KANSL1: variants seen among roughly 807,000 people sequenced by gnomAD.
KANSL1 encodes the protein KAT8 regulatory NSL complex subunit 1.
A neutral mutation model predicts 103.6 loss-of-function variants in KANSL1; 22 were observed. That is an observed-to-expected ratio of 0.21 (90% CI 0.15 to 0.30). KANSL1 has a LOEUF of 0.30. Ranked by LOEUF, KANSL1 falls within the 10% of genes least tolerant of loss-of-function variation. The probability of loss-of-function intolerance (pLI) is 1.00; values close to 1 mark genes in which losing one functional copy is unlikely to be tolerated. For missense variants in KANSL1, 1,337 were observed against 1,399.8 expected (o/e 0.96, Z 0.72); for synonymous variants, 600 against 527.6 (o/e 1.14, Z -1.88).
intron 2 of KANSL1, among the ~76,000 whole-genome samples, chr17:46,117,793 A>C (rs1261660006): frequency 6.6e-6 from 1 of 152,218 alleles, no homozygotes; most frequent in Non-Finnish European, 1.5e-5. Context: ...ATGCAAAAAA[A>C]CCCTTTCAAA....
chr17:46,213,962 C>A (rs2148035179), intron 1 of KANSL1, among the ~76,000 whole-genome samples: 1 of 152,044 alleles, frequency 6.6e-6, no homozygotes, highest in Non-Finnish European at 1.5e-5. Flanking sequence ...ACAAACAATT[C>A]TAAAAATCAA....
At chr17:46,122,437 A>G (rs1458031498) in intron 2 of KANSL1, among the ~76,000 whole-genome samples, 4 of 152,376 alleles carry the variant, frequency 2.6e-5, no homozygotes, top group African/African-American at 9.6e-5. Context: ...ACAAGTATTC[A>G]TACTGGAAAT....
intron 1 of KANSL1, among the ~76,000 whole-genome samples, chr17:46,220,198 A>C (rs1219590596): frequency 1.3e-5 from 2 of 152,200 alleles, no homozygotes; most frequent in African/African-American, 4.8e-5. Flanking sequence ...AAAAGGAAGG[A>C]TTGAGATGCT....
intron 2 of KANSL1, among the ~76,000 whole-genome samples, chr17:46,143,803 C>CAAA (rs57361021): frequency 2.0e-3 from 172 of 85,420 alleles, no homozygotes; most frequent in African/African-American, 4.6e-3. Flanking sequence ...GACTCCATCT[C>CAAA]AAAAAAAAAA....
At chr17:46,099,745 T>C (rs547837171) in intron 2 of KANSL1, among the ~76,000 whole-genome samples, 4 of 152,372 alleles carry the variant, frequency 2.6e-5, no homozygotes, top group African/African-American at 7.2e-5. Flanking sequence ...TGCTTTATCC[T>C]AGTCCATACA....
chr17:46,173,709 A>G (rs1332657401), intron 1 of KANSL1, among the ~76,000 whole-genome samples: 3 of 152,386 alleles, frequency 2.0e-5, no homozygotes. Flanking sequence ...AGGAAGAGGC[A>G]CCAAACTATA....
intron 3 of KANSL1, among the ~76,000 whole-genome samples, chr17:46,088,017 C>T (rs1463314281): frequency 3.3e-5 from 5 of 152,136 alleles, no homozygotes; most frequent in African/African-American, 9.7e-5. Flanking sequence ...AAATAGCAAC[C>T]GGTAGAAGCC....
intron 2 of KANSL1, among the ~76,000 whole-genome samples, chr17:46,152,720 C>G (rs564976747): frequency 1.3e-5 from 2 of 152,194 alleles, no homozygotes; most frequent in African/African-American, 4.8e-5. Context: ...AGCGAATTCA[C>G]TGATACCAAC....
At chr17:46,096,657 C>A (rs565952841) in intron 2 of KANSL1, among the ~76,000 whole-genome samples, 7 of 149,756 alleles carry the variant, frequency 4.7e-5, no homozygotes, top group Non-Finnish European at 1.0e-4. Flanking sequence ...CTTGCTCTGT[C>A]GCCCGGGCTG....
chr17:46,210,752 G>C (rs1312724015), intron 1 of KANSL1, among the ~76,000 whole-genome samples: 2 of 152,200 alleles, frequency 1.3e-5, no homozygotes, highest in African/African-American at 4.8e-5. Flanking sequence ...GAAAAATAAG[G>C]GAACGGAGTG....
chr17:46,037,130 G>A (rs2077174953), intron 10 of KANSL1, among the ~76,000 whole-genome samples: 1 of 152,172 alleles, frequency 6.6e-6, no homozygotes, highest in African/African-American at 2.4e-5. Flanking sequence ...AAAATTTCAA[G>A]TGATCCAGGC....
chr17:46,217,643 C>T (rs1313954630), intron 1 of KANSL1, among the ~76,000 whole-genome samples: 1 of 152,146 alleles, frequency 6.6e-6, no homozygotes, highest in Admixed American at 6.5e-5. Flanking sequence ...AATCCCAGCA[C>T]TTTGGGAGGC....
At chr17:46,041,084 C>A (rs914467452) in intron 7 of KANSL1, 1 of 152,144 alleles carries the variant, frequency 6.6e-6, no homozygotes, top group African/African-American at 2.4e-5. Context: ...AAAGATAGTA[C>A]CTTTTAAAAT....
chr17:46,035,136 T>C (rs1248005531), intron 10 of KANSL1: 3 of 152,258 alleles, frequency 2.0e-5, no homozygotes, highest in South Asian at 2.1e-4. Flanking sequence ...TAGCTGCTGC[T>C]GCCCAGATAG....
In KANSL1 at chr17:46,172,037, T is replaced by C; in HGVS notation, c.107A>G (p.Asn36Ser). The C allele has an allele frequency of 1.2e-6, 2 of 1,614,264 alleles. No individual in the cohort carries two copies. Among genetic ancestry groups the C allele is most frequent in the Non-Finnish European group, 1.7e-6 (2 of 1,180,060 alleles). Reference protein sequence around the residue: ...SSTLSPGSAENNGNANILIAA... With the variant: ...SSTLSPGSAESNGNANILIAA... ...AATAAGGATGTTGGCGTTGCCGTTA[T>C]TTTCGGCACTGCCAGGGGACAAGGT... The change falls in exon 2 of 15, where the codon AAT (asparagine) becomes AGT (serine). Residue 36 changes from asparagine (N) to serine (S), a missense_variant. By Grantham distance (46) the Asn-to-Ser change is conservative. Coordinates refer to ENST00000432791, the MANE Select transcript of KANSL1 (RefSeq NM_015443.4).
intron 4 of KANSL1, among the ~76,000 whole-genome samples, chr17:46,080,222 T>C (rs1368569394): frequency 7.4e-6 from 1 of 134,594 alleles, no homozygotes; most frequent in Non-Finnish European, 1.5e-5. Context: ...TTTTGGGTAA[T>C]AAACAAGCAC....
intron 4 of KANSL1, among the ~76,000 whole-genome samples, chr17:46,078,923 A>G (rs1159824752): frequency 6.6e-6 from 1 of 152,170 alleles, no homozygotes; most frequent in Non-Finnish European, 1.5e-5. Context: ...ATCTGTACAC[A>G]CGACTTATCG....
At chr17:46,045,012 A>T (rs1341366704) in intron 7 of KANSL1, 2 of 152,050 alleles carry the variant, frequency 1.3e-5, no homozygotes, top group Admixed American at 1.3e-4. Flanking sequence ...TAACCTTGTT[A>T]TGAAAAAAAA....
At chr17:46,120,065 G>C (rs1157556816) in intron 2 of KANSL1, 2 of 152,160 alleles carry the variant, frequency 1.3e-5, no homozygotes, top group Non-Finnish European at 2.9e-5. Flanking sequence ...GAAGAAGAGA[G>C]AGGGGTGGAA....
Sources: allele counts gnomAD v4.1 joint callset (sites outside exome capture counted in the v4.1 genomes callset), GRCh38; gene constraint gnomAD v4.1.1; transcripts MANE v1.5; gene names NCBI Gene and HGNC (gene_info 2026-07-23, HGNC 2026-07-21).